GRID2: variants seen among roughly 807,000 people sequenced by gnomAD.
The protein encoded by GRID2 is glutamate ionotropic receptor delta type subunit 2.
GRID2 carries 33 observed loss-of-function variants against 114.8 expected under a neutral mutation model. That is an observed-to-expected ratio of 0.29 (90% CI 0.22 to 0.38). The LOEUF is 0.38. GRID2 is among the 10% of genes least tolerant of loss of function. The probability of loss-of-function intolerance (pLI) is 1.00; values close to 1 mark genes in which losing one functional copy is unlikely to be tolerated. For missense variants in GRID2, 1,184 were observed against 1,257.7 expected (o/e 0.94, Z 0.89); for synonymous variants, 505 against 449.9 (o/e 1.12, Z -1.55).
At chr4:93,268,912 G>A (rs1751135303) in intron 8 of GRID2, among the ~76,000 whole-genome samples, 1 of 152,108 alleles carries the variant, frequency 6.6e-6, no homozygotes, top group African/African-American at 2.4e-5. Flanking sequence ...GGAGAACTGA[G>A]TGAACGAGTC....
At chr4:93,631,465 G>A (rs897170237) in intron 14 of GRID2, among the ~76,000 whole-genome samples, 14 of 152,262 alleles carry the variant, frequency 9.2e-5, no homozygotes, top group African/African-American at 3.4e-4. Context: ...AACATGCGGT[G>A]TTTGGTTTTT....
intron 2 of GRID2, among the ~76,000 whole-genome samples, chr4:92,927,666 A>T (rs537930344): frequency 3.3e-5 from 5 of 151,868 alleles, no homozygotes; most frequent in Non-Finnish European, 7.4e-5. Flanking sequence ...CAGATTTGAG[A>T]TCCTTTATCC....
intron 2 of GRID2, among the ~76,000 whole-genome samples, chr4:92,655,862 T>C (rs1331939775): frequency 6.6e-6 from 1 of 151,796 alleles, no homozygotes; most frequent in Non-Finnish European, 1.5e-5. Context: ...TTTTTCTTTT[T>C]TTCTTTCCTG....
intron 14 of GRID2, among the ~76,000 whole-genome samples, chr4:93,767,112 T>C (rs1057114774): frequency 7.9e-5 from 12 of 152,210 alleles, no homozygotes; most frequent in Non-Finnish European, 2.9e-5. Context: ...TTAAACCTGT[T>C]ACTTGGAAAG....
chr4:93,623,755 T>A (rs2149686198), intron 13 of GRID2, among the ~76,000 whole-genome samples: 1 of 152,330 alleles, frequency 6.6e-6, no homozygotes, highest in African/African-American at 2.4e-5. Flanking sequence ...TACTGTTTTA[T>A]TTTTAAGCTT....
chr4:93,720,140 GC>G (rs1443175465), intron 14 of GRID2, among the ~76,000 whole-genome samples: 1 of 152,002 alleles, frequency 6.6e-6, no homozygotes, highest in Non-Finnish European at 1.5e-5. Flanking sequence ...GAGAGTGAGA[GC>G]CCCCAAAAAA....
chr4:93,104,185 T>C (rs1335172153), intron 3 of GRID2, among the ~76,000 whole-genome samples: 2 of 152,192 alleles, frequency 1.3e-5, no homozygotes, highest in Non-Finnish European at 2.9e-5. Flanking sequence ...CTCAGTGGAT[T>C]ACAATTTGGA....
At chr4:93,158,847 T>C (rs1302128114) in intron 4 of GRID2, among the ~76,000 whole-genome samples, 1 of 151,754 alleles carries the variant, frequency 6.6e-6, no homozygotes, top group Non-Finnish European at 1.5e-5. Context: ...TAAATGACTT[T>C]ATAAGACTTT....
intron 10 of GRID2, among the ~76,000 whole-genome samples, chr4:93,433,669 A>T (rs1378563311): frequency 6.6e-6 from 1 of 152,124 alleles, no homozygotes; most frequent in African/African-American, 2.4e-5. Flanking sequence ...TGGGTTATTG[A>T]TGTAGCTAGT....
At chr4:92,306,122 G>T (rs1725391757) in intron 1 of GRID2, among the ~76,000 whole-genome samples, 1 of 152,216 alleles carries the variant, frequency 6.6e-6, no homozygotes, top group Non-Finnish European at 1.5e-5. Context: ...TGTCTAGCGT[G>T]CGCGCCCACA....
chr4:92,431,182 C>T (rs1164852551), intron 1 of GRID2, among the ~76,000 whole-genome samples: 2 of 152,126 alleles, frequency 1.3e-5, no homozygotes, highest in African/African-American at 4.8e-5. Flanking sequence ...TGTCATATTC[C>T]AGATCTTAAA....
chr4:93,656,048 CATT>C (rs200751547), intron 14 of GRID2, among the ~76,000 whole-genome samples: 3,024 of 151,464 alleles, frequency 0.02, 36 homozygotes, highest in South Asian at 0.022. Flanking sequence ...ATCATAAAAA[CATT>C]ATATATATAT....
At chr4:93,031,796 T>C (rs918696265) in intron 2 of GRID2, among the ~76,000 whole-genome samples, 1 of 151,812 alleles carries the variant, frequency 6.6e-6, no homozygotes, top group African/African-American at 2.4e-5. Flanking sequence ...TTATTAGCAG[T>C]GTGAGAACTG....
intron 2 of GRID2, among the ~76,000 whole-genome samples, chr4:92,717,814 T>C (rs2149314978): frequency 6.6e-6 from 1 of 152,304 alleles, no homozygotes. Context: ...TTCATTCACA[T>C]ACTTCCAGAG....
intron 2 of GRID2, among the ~76,000 whole-genome samples, chr4:92,788,218 A>C (rs1049551787): frequency 2.6e-5 from 4 of 151,750 alleles, no homozygotes; most frequent in Non-Finnish European, 5.9e-5. Context: ...AAGGAGGCTG[A>C]AAAGAAGTAA....
At chr4:93,049,486 T>C (rs1340693653) in intron 2 of GRID2, among the ~76,000 whole-genome samples, 1 of 151,866 alleles carries the variant, frequency 6.6e-6, no homozygotes, top group Non-Finnish European at 1.5e-5. Context: ...TAGTTTAAAC[T>C]TAACAAATGT....
At chr4:92,932,849 T>G (rs1277089491) in intron 2 of GRID2, among the ~76,000 whole-genome samples, 1 of 151,352 alleles carries the variant, frequency 6.6e-6, no homozygotes, top group Admixed American at 6.6e-5. Context: ...TGTATGTATG[T>G]GATCTGATTT....
intron 2 of GRID2, among the ~76,000 whole-genome samples, chr4:92,677,679 C>A (rs1579824057): frequency 6.6e-6 from 1 of 152,078 alleles, no homozygotes; most frequent in Admixed American, 6.6e-5. Flanking sequence ...TTTTCCCTTT[C>A]TCTCTCATGA....
chr4:92,590,393 A>G, intron 2 of GRID2, 107 bp downstream of exon 2: 1 of 741,120 alleles, frequency 1.3e-6, no homozygotes, highest in Non-Finnish European at 2.2e-6. Flanking sequence ...TATCTTGTTG[A>G]TAATAGGGCA....
Sources: allele counts gnomAD v4.1 joint callset (sites outside exome capture counted in the v4.1 genomes callset), GRCh38; gene constraint gnomAD v4.1.1; transcripts MANE v1.5; gene names NCBI Gene and HGNC (gene_info 2026-07-23, HGNC 2026-07-21).